CCDC110: variants seen among roughly 807,000 people sequenced by gnomAD.
CCDC110 encodes the protein coiled-coil domain-containing protein 110.
A neutral mutation model predicts 77.1 loss-of-function variants in CCDC110; 70 were observed. That is an observed-to-expected ratio of 0.91 (90% CI 0.75 to 1.11). The LOEUF (loss-of-function observed/expected upper bound fraction) is 1.11. Ranked by LOEUF, CCDC110 falls within the 50% of genes least tolerant of loss-of-function variation. The pLI is 0.00. For missense variants in CCDC110, 868 were observed against 942.9 expected (o/e 0.92, Z 1.04); for synonymous variants, 295 against 312.5 (o/e 0.94, Z 0.59).
Position 185,469,076 on chromosome 4 carries a change from T to G in CCDC110, c.115+1869A>C, listed in dbSNP as rs577456375. On this transcript the variant is annotated intron_variant, in intron 2 of 6. Transcript: ENST00000307588. ...ACAAACCCATTCCAATAAGGGTTAA[T>G]TAGGTTAACCACTAGTTCTGAAATC... Among the ~76,000 whole-genome samples, 13 of 152,346 alleles carry G rather than the reference T, an allele frequency of 8.5e-5. 1 individual carries two copies. In the South Asian group the frequency reaches 2.3e-3, roughly 27 times the overall value.
intron 6 of CCDC110, chr4:185,457,164 C>A (rs1417330202): frequency 2.3e-6 from 1 of 441,948 alleles, no homozygotes; most frequent in Non-Finnish European, 4.5e-6. Flanking sequence ...AGGATCACCT[C>A]CAATAAATGT....
chr4:185,452,714 G>A (rs1437872273), intron 6 of CCDC110, among the ~76,000 whole-genome samples: 1 of 152,064 alleles, frequency 6.6e-6, no homozygotes, highest in Non-Finnish European at 1.5e-5. Context: ...GATCAACATG[G>A]TGAAATACTG....
intron 2 of CCDC110, among the ~76,000 whole-genome samples, chr4:185,467,521 A>C (rs553510110): frequency 1.5e-4 from 23 of 152,320 alleles, no homozygotes; most frequent in African/African-American, 5.5e-4. Flanking sequence ...ACAAAGCGGA[A>C]GGCATGGTCC....
intron 4 of CCDC110, 85 bp from the exon 5 acceptor site, chr4:185,461,244 G>A: frequency 3.0e-6 from 2 of 663,388 alleles, no homozygotes; most frequent in Non-Finnish European, 5.1e-6. Context: ...TAATTAAAAG[G>A]TGTGTTTAAA....
At position 185,460,957 on chromosome 4, in the gene CCDC110, T is replaced by C. The variant is rs766977804; in HGVS notation, c.348+92A>G. 17 of 691,146 alleles carry C rather than the reference T, an allele frequency of 2.5e-5. No homozygotes were observed. The East Asian group carries it at 3.5e-4, about 14-fold the overall frequency. The allele number at this position is 691,146 out of a possible 1,614,324, so 42.8% of individuals were successfully genotyped here. A position where few individuals can be genotyped will look rare whatever the true frequency, so the allele number is the denominator to read the frequency against. On this transcript the variant is annotated intron_variant, in intron 5 of 6. Coordinates refer to ENST00000307588, the MANE Select transcript of CCDC110 (RefSeq NM_152775.4). Reference sequence around the variant, plus strand: ...CATCTCTGATGGTCCATTTTTCCTGTAACAAAGAGGACCATGTAAAGTGAA... The same window carrying C: ...CATCTCTGATGGTCCATTTTTCCTGCAACAAAGAGGACCATGTAAAGTGAA...
intron 1 of CCDC110, among the ~76,000 whole-genome samples, chr4:185,471,295 G>GTCA (rs2095666700): frequency 1.2e-5 from 1 of 83,780 alleles, no homozygotes; most frequent in Admixed American, 1.1e-4. Flanking sequence ...ATGGGGCGGA[G>GTCA]AGACTGGGCG....
rs1027812361 is a variant in CCDC110, at chr4:185,468,321, G to A, written c.115+2624C>T. ...CCTTACTGAGGTGTACGAGGTGTAC[G>A]GCACATAGTGAATGCTCAAGAGACA... is the stretch of plus-strand genomic sequence containing the variant. On this transcript the variant is annotated intron_variant, in intron 2 of 6. Coordinates refer to ENST00000307588, the MANE Select transcript of CCDC110 (RefSeq NM_152775.4). The surrounding 1 kb of genome is among the most constrained non-coding windows in gnomAD (Gnocchi z 4.5). 2.0e-5 allele frequency among the ~76,000 whole-genome samples: 3 copies of A among 152,184 alleles called. No homozygotes were observed. The highest frequency in any genetic ancestry group is 2.1e-4 in the South Asian group (1 of 4,824).
rs551575991 is a variant in CCDC110, at chr4:185,461,639, C to A, written c.238-480G>T. Among the ~76,000 whole-genome samples the A allele has an allele frequency of 2.6e-5, 4 of 152,152 alleles. No individual in the cohort carries two copies. The South Asian group carries it at 6.2e-4, about 24-fold the overall frequency. The stretch of plus-strand genomic sequence containing the variant: ...TTCTCCTTATTTCTTCTGGATGAAG[C>A]GTGGTTATGGTAGTATTGATTCTGC... On this transcript the variant is annotated intron_variant, in intron 4 of 6. Transcript: ENST00000307588.
Position 185,459,050 on chromosome 4 carries a change from T to C in CCDC110, c.1537A>G (p.Ser513Gly). The C allele has an allele frequency of 6.4e-7, 1 of 1,567,198 alleles. No homozygotes were observed. Among genetic ancestry groups the C allele is most frequent in the African/African-American group, 1.4e-5 (1 of 73,136 alleles). Reference sequence around the variant, plus strand: ...TGGCCTTGCAGAACATTATATTTACTAATTATTTTTTTAAATTCTTTAAGA... The same window carrying C: ...TGGCCTTGCAGAACATTATATTTACCAATTATTTTTTTAAATTCTTTAAGA... Reference protein sequence around the residue: ...ECLKEFKKIISKYNVLQGQNK... With the variant: ...ECLKEFKKIIGKYNVLQGQNK... Residue 513 changes from serine (S) to glycine (G), a missense_variant, in exon 6 of 7, where the codon AGT becomes GGT. Physicochemically the swap from Ser to Gly is moderately conservative, Grantham distance 56 (BLOSUM62 0). Coordinates refer to ENST00000307588, the MANE Select transcript of CCDC110 (RefSeq NM_152775.4).
intron 1 of CCDC110, 58 bp downstream of exon 1, chr4:185,471,616 T>G (rs777746076): frequency 6.5e-7 from 1 of 1,541,296 alleles, no homozygotes; most frequent in Non-Finnish European, 8.7e-7. Context: ...CTGAATGCCC[T>G]TCTGCTGCCC....
Position 185,462,630 on chromosome 4 carries a change from A to T in CCDC110, c.237+13T>A. ...AGGTGAGATATTTCATATATAGATCAAAAGAAACATACCATGCTGACATTC... is the reference window on the plus strand; with the variant it reads ...AGGTGAGATATTTCATATATAGATCTAAAGAAACATACCATGCTGACATTC... On this transcript the variant is annotated intron_variant, in intron 4 of 6. Transcript: ENST00000307588. 6.2e-7 allele frequency: 1 copy of T among 1,606,546 alleles called. No individual in the cohort carries two copies. Among genetic ancestry groups the T allele is most frequent in the Non-Finnish European group, 8.5e-7 (1 of 1,173,092 alleles).
rs1404829262 is a variant in CCDC110 at position 185,445,431 on chromosome 4, A to G, written c.*71T>C. ...GTCATTTGAGATGAGTTAGATATGC[A>G]TAGTTCAGTTAGCAGTACAATTAAC... is the stretch of plus-strand genomic sequence containing the variant. On this transcript the variant is annotated 3_prime_UTR_variant, in exon 7 of 7. Transcript: ENST00000307588. 2.8e-6 allele frequency: 3 copies of G among 1,075,914 alleles called. No homozygotes were observed. The highest frequency in any genetic ancestry group is 1.6e-5 in the African/African-American group (1 of 62,912). The allele number at this position is 1,075,914 out of a possible 1,614,324, so 66.6% of individuals were successfully genotyped here.
intron 6 of CCDC110, among the ~76,000 whole-genome samples, chr4:185,449,295 C>T (rs1042750298): frequency 6.6e-6 from 1 of 152,044 alleles, no homozygotes; most frequent in African/African-American, 2.4e-5. Context: ...CCAAGGTAGG[C>T]AGATCGCTTG....
At chr4:185,469,532 GCT>G (rs2095662039) in intron 2 of CCDC110, among the ~76,000 whole-genome samples, 3 of 152,212 alleles carry the variant, frequency 2.0e-5, no homozygotes, top group Admixed American at 2.0e-4. Context: ...GACCTTACAT[GCT>G]CTCTTTGAGG....
At chr4:185,469,290 G>A (rs532404631) in intron 2 of CCDC110, among the ~76,000 whole-genome samples, 6 of 152,298 alleles carry the variant, frequency 3.9e-5, no homozygotes, top group Non-Finnish European at 7.4e-5. Context: ...GAAATTCCTG[G>A]GTGGCCCCTG....
chr4:185,468,302 T>TGAGGTGTAC lies in CCDC110; in HGVS notation c.115+2634_115+2642dup, dbSNP rs1240747610. On this transcript the variant is annotated intron_variant, in intron 2 of 6. Coordinates refer to ENST00000307588, the MANE Select transcript of CCDC110 (RefSeq NM_152775.4). The surrounding 1 kb of genome is among the most constrained non-coding windows in gnomAD (Gnocchi z 4.5). ...TCCAGTTTGTAGATAAAGCCCTTAC[T>TGAGGTGTAC]GAGGTGTACGAGGTGTACGGCACAT... 6.6e-6 allele frequency among the ~76,000 whole-genome samples: 1 copy of TGAGGTGTAC among 152,208 alleles called. No homozygotes were observed. The highest frequency in any genetic ancestry group is 6.5e-5 in the Admixed American group (1 of 15,284).
At chr4:185,447,847 G>T (rs912157770) in intron 6 of CCDC110, among the ~76,000 whole-genome samples, 3 of 152,256 alleles carry the variant, frequency 2.0e-5, no homozygotes, top group Admixed American at 1.3e-4. Context: ...GCTAAACTAT[G>T]CAATTAATAC....
intron 2 of CCDC110, among the ~76,000 whole-genome samples, chr4:185,465,247 T>C (rs1344181991): frequency 6.6e-6 from 1 of 152,240 alleles, no homozygotes; most frequent in Admixed American, 6.5e-5. Context: ...TAGCTTCCTT[T>C]TTCTGTACAG....
At chr4:185,449,549 T>C in intron 6 of CCDC110, 1 of 1,246,488 alleles carries the variant, frequency 8.0e-7, no homozygotes, top group South Asian at 1.4e-5. Context: ...GTACAGGTAT[T>C]TGACTTGCAC....
Sources: allele counts gnomAD v4.1 joint callset (sites outside exome capture counted in the v4.1 genomes callset), GRCh38; gene constraint gnomAD v4.1.1; non-coding constraint Gnocchi (gnomAD v3.1); transcripts MANE v1.5; gene names NCBI Gene and HGNC (gene_info 2026-07-23, HGNC 2026-07-21).